Variants in EYA4 observed in about 807,000 individuals in gnomAD.
EYA4 encodes the protein EYA transcriptional coactivator and phosphatase 4, also known as protein phosphatase EYA4.
In EYA4, 31 loss-of-function variants were observed where a neutral mutation model predicts 87.9. That is an observed-to-expected ratio of 0.35 (90% confidence interval 0.27 to 0.48). EYA4 has a LOEUF of 0.48. Among genes scored for constraint, EYA4 ranks in the 20% least tolerant of loss-of-function variants. The probability of loss-of-function intolerance (pLI) is 0.99; values close to 1 mark genes in which losing one functional copy is unlikely to be tolerated. For missense variants in EYA4, 678 were observed against 761.4 expected (o/e 0.89, Z 1.29); for synonymous variants, 263 against 270.6 (o/e 0.97, Z 0.28).
At position 133,258,040 on chromosome 6, in the gene EYA4, A is replaced by G. The variant is rs541137988; in HGVS notation, c.-66+16291A>G. Among the ~76,000 whole-genome samples the G allele has an allele frequency of 2.6e-5, 4 of 152,284 alleles. No homozygotes were observed. The South Asian group carries it at 8.3e-4, about 32-fold the overall frequency. On this transcript the variant is annotated intron_variant, in intron 1 of 19. Coordinates refer to ENST00000355286, the MANE Select transcript of EYA4 (RefSeq NM_004100.5). ...TCATTGCATTTTTTTCACGATCATG[A>G]AAAAGAAATTAAGACATTAAGAAAA...
intron 11 of EYA4, among the ~76,000 whole-genome samples, chr6:133,481,101 C>T (rs902834479): frequency 6.6e-6 from 1 of 151,872 alleles, no homozygotes; most frequent in African/African-American, 2.4e-5. Context: ...GTCAGGTTTG[C>T]AGGTGGAGGG....
rs1786317046 is a variant in EYA4 at position 133,382,566 on chromosome 6, T to C, written c.83+125T>C. On this transcript the variant is annotated intron_variant, in intron 3 of 19. Transcript: ENST00000355286. ...GAGCTTCTTGAAGAACTTATCTTGA[T>C]GGAAACTGTATATCATGCTGGCTAG... 3 of 791,664 alleles carry C rather than the reference T, an allele frequency of 3.8e-6. No homozygotes were observed. The Admixed American group carries it at 5.1e-5, about 14-fold the overall frequency. 49.0% of individuals were successfully genotyped at this position (791,664 alleles called of 1,614,324 possible).
At chr6:133,297,296 GTTAGT>G (rs1323058977) in intron 2 of EYA4, among the ~76,000 whole-genome samples, 6 of 152,258 alleles carry the variant, frequency 3.9e-5, no homozygotes, top group South Asian at 2.1e-4. Context: ...ATCATCTGGG[GTTAGT>G]TTAAAGTTTG....
intron 2 of EYA4, among the ~76,000 whole-genome samples, chr6:133,298,687 GAAA>G (rs1779130008): frequency 1.3e-5 from 2 of 152,280 alleles, no homozygotes; most frequent in South Asian, 4.1e-4. Flanking sequence ...ATAGTTGTGA[GAAA>G]TAAGTGTGTG....
At chr6:133,273,097 GTATATA>G (rs3065331) in intron 1 of EYA4, among the ~76,000 whole-genome samples, 1 of 106,650 alleles carries the variant, frequency 9.4e-6, no homozygotes. Context: ...ATATATATAT[GTATATA>G]TATATATATA....
intron 3 of EYA4, among the ~76,000 whole-genome samples, chr6:133,430,729 A>G (rs1275258356): frequency 6.6e-6 from 1 of 152,224 alleles, no homozygotes; most frequent in Non-Finnish European, 1.5e-5. Context: ...AATTGAAGTT[A>G]CTGGAAAATT....
intron 3 of EYA4, among the ~76,000 whole-genome samples, chr6:133,395,925 A>C (rs1291010445): frequency 6.6e-6 from 1 of 152,188 alleles, no homozygotes; most frequent in Non-Finnish European, 1.5e-5. Context: ...TGATGAATTT[A>C]ATGGTTATTC....
At chr6:133,489,311 T>C (rs1454678836) in intron 13 of EYA4, among the ~76,000 whole-genome samples, 1 of 150,984 alleles carries the variant, frequency 6.6e-6, no homozygotes, top group African/African-American at 2.4e-5. Flanking sequence ...AAACAGGAGA[T>C]GGAGGGGTGG....
At chr6:133,301,641 T>G (rs1210043106) in intron 2 of EYA4, among the ~76,000 whole-genome samples, 1 of 152,202 alleles carries the variant, frequency 6.6e-6, no homozygotes, top group Non-Finnish European at 1.5e-5. Context: ...TTATTTCTAT[T>G]TTATAGGGAA....
chr6:133,364,170 G>C (rs184237377), intron 2 of EYA4, among the ~76,000 whole-genome samples: 1 of 152,172 alleles, frequency 6.6e-6, no homozygotes, highest in Non-Finnish European at 1.5e-5. Context: ...ATCTTGCTGT[G>C]TTTTTACTGT....
chr6:133,272,953 T>C (rs2128263086), intron 1 of EYA4, among the ~76,000 whole-genome samples: 1 of 151,962 alleles, frequency 6.6e-6, no homozygotes, highest in South Asian at 2.1e-4. Context: ...GGGCCACTTT[T>C]GGTAAGCAGA....
intron 2 of EYA4, among the ~76,000 whole-genome samples, chr6:133,363,836 A>G (rs1006303851): frequency 1.3e-5 from 2 of 152,168 alleles, no homozygotes; most frequent in Non-Finnish European, 2.9e-5. Flanking sequence ...TCATTGAATA[A>G]CAAGGGAAGG....
At position 133,529,282 on chromosome 6, in the gene EYA4, A is replaced by G; in HGVS notation, c.*477A>G. 1 of 990,790 alleles carries G rather than the reference A, an allele frequency of 1.0e-6. No individual in the cohort carries two copies. Among genetic ancestry groups the G allele is most frequent in the Non-Finnish European group, 1.2e-6 (1 of 832,364 alleles). 61.4% of individuals were successfully genotyped at this position (990,790 alleles called of 1,614,324 possible). A position where few individuals can be genotyped will look rare whatever the true frequency, so the allele number is the denominator to read the frequency against. ...TAAGGACAGTCCTATTTAGACATGT[A>G]ATTTGTGTAAATTATTGATGAAAAT... On this transcript the variant is annotated 3_prime_UTR_variant, in exon 20 of 20. Transcript: ENST00000355286.
chr6:133,447,289 T>C (rs1030721029), intron 4 of EYA4, among the ~76,000 whole-genome samples: 12 of 152,294 alleles, frequency 7.9e-5, no homozygotes, highest in Non-Finnish European at 1.5e-4. Context: ...ATTGCATTTT[T>C]TTCAGATAAT....
rs781424077 is a variant in EYA4 at position 133,481,605 on chromosome 6, C to T, written c.1107+6C>T. Reference sequence around the variant, plus strand: ...CTCCTGATAGTGACCTGGAGGTATGCCTACTCATTCTTAAAGATTGTAGTG... The same window carrying T: ...CTCCTGATAGTGACCTGGAGGTATGTCTACTCATTCTTAAAGATTGTAGTG... On this transcript the variant is annotated splice_donor_region_variant and intron_variant, in intron 12 of 19. Transcript: ENST00000355286. 1.2e-6 allele frequency: 2 copies of T among 1,613,530 alleles called. No homozygotes were observed. Among genetic ancestry groups the T allele is most frequent in the Non-Finnish European group, 1.7e-6 (2 of 1,179,538 alleles).
intron 2 of EYA4, among the ~76,000 whole-genome samples, chr6:133,327,528 T>A (rs76794512): frequency 0.029 from 4,428 of 152,224 alleles, 216 homozygotes; most frequent in African/African-American, 0.1. Flanking sequence ...CTCAAATTGG[T>A]CATGGAACAT....
intron 2 of EYA4, among the ~76,000 whole-genome samples, chr6:133,367,485 T>C (rs137890571): frequency 5.8e-4 from 88 of 152,346 alleles, no homozygotes; most frequent in African/African-American, 2.0e-3. Context: ...CGCATATTAC[T>C]TTGAAGGATA....
At chr6:133,268,524 C>T (rs1170694219) in intron 1 of EYA4, among the ~76,000 whole-genome samples, 2 of 152,170 alleles carry the variant, frequency 1.3e-5, no homozygotes, top group Non-Finnish European at 2.9e-5. Flanking sequence ...AGCCACAGTT[C>T]AGTCTGGGAG....
intron 2 of EYA4, among the ~76,000 whole-genome samples, chr6:133,367,226 C>T (rs1447455393): frequency 6.6e-6 from 1 of 152,088 alleles, no homozygotes; most frequent in Non-Finnish European, 1.5e-5. Context: ...AAATCTCAGA[C>T]TTTTTGTGAT....
Sources: gnomAD v4.1 joint callset for allele counts (sites outside exome capture counted in the v4.1 genomes callset) on GRCh38, gnomAD v4.1.1 for gene constraint, MANE v1.5 for transcripts, NCBI Gene and HGNC (gene_info 2026-07-23, HGNC 2026-07-21) for gene names.